Variants in ATP1A2 observed in about 807,000 individuals in gnomAD.
ATP1A2 encodes the protein sodium/potassium-transporting ATPase subunit alpha-2.
ATP1A2 carries 56 observed loss-of-function variants against 113.1 expected under a neutral mutation model. The observed-to-expected ratio is 0.49, with a 90% CI of 0.40 to 0.62. The LOEUF is 0.62. Among genes scored for constraint, ATP1A2 ranks in the 20% least tolerant of loss-of-function variants. The pLI is 0.00. For missense variants in ATP1A2, 712 were observed against 1,357.8 expected (o/e 0.52, Z 7.47); for synonymous variants, 490 against 526.8 (o/e 0.93, Z 0.96).
chr1:160,121,080 T>A, intron 2 of ATP1A2, 70 bp downstream of exon 2: 2 of 1,604,134 alleles, frequency 1.2e-6, no homozygotes, highest in Admixed American at 3.3e-5. Context: ...CCCATTGCAC[T>A]CAGAGAAACT....
Position 160,142,570 on chromosome 1 carries a change from C to G in ATP1A2, c.*1248C>G, listed in dbSNP as rs980373104. On this transcript the variant is annotated 3_prime_UTR_variant, in exon 23 of 23. Coordinates refer to ENST00000361216, the MANE Select transcript of ATP1A2 (RefSeq NM_000702.4). ...CCTGTAATCCCAGCACTTTGGGAGG[C>G]CGAGGCAGGTGGATCATGAGGTCAG... The G allele has an allele frequency of 6.6e-6, 1 of 152,230 alleles. No homozygotes were observed. The highest frequency in any genetic ancestry group is 2.4e-5 in the African/African-American group (1 of 41,430). The allele number at this position is 152,230 out of a possible 1,614,324, so 9.4% of individuals were successfully genotyped here.
intron 14 of ATP1A2, among the ~76,000 whole-genome samples, 193 bp downstream of exon 14, chr1:160,134,813 G>A (rs1398544316): frequency 3.9e-5 from 6 of 152,170 alleles, no homozygotes; most frequent in African/African-American, 1.4e-4. Flanking sequence ...TGTAACCTTG[G>A]AGATGTCACA....
chr1:160,125,089 A>G, intron 6 of ATP1A2, 47 bp from the exon 7 acceptor site: 4 of 1,516,646 alleles, frequency 2.6e-6, no homozygotes, highest in Non-Finnish European at 3.7e-6. Context: ...CTGTGTGCAT[A>G]CAAGTGGCTC....
At chr1:160,126,232 G>A (rs1020446129) in intron 7 of ATP1A2, among the ~76,000 whole-genome samples, 1 of 152,066 alleles carries the variant, frequency 6.6e-6, no homozygotes, top group African/African-American at 2.4e-5. Flanking sequence ...CATATAATCT[G>A]CGCACATCCT....
chr1:160,120,818 C>A, intron 1 of ATP1A2, 88 bp from the exon 2 acceptor site: 1 of 1,364,868 alleles, frequency 7.3e-7, no homozygotes, highest in South Asian at 1.3e-5. Context: ...CACACACCCC[C>A]ACTGCCTGGG....
At chr1:160,127,511 G>A in intron 7 of ATP1A2, 41 bp from the exon 8 acceptor site, 2 of 1,613,338 alleles carry the variant, frequency 1.2e-6, no homozygotes, top group Non-Finnish European at 1.7e-6. Context: ...CAGTCCCTGG[G>A]AGCCACAAGG....
At position 160,129,372 on chromosome 1, in the gene ATP1A2, T is replaced by G; in HGVS notation, c.1433T>G (p.Ile478Ser). Residue 478 changes from isoleucine to serine, a missense_variant, in exon 11 of 23, where the codon ATT becomes AGT. Around this residue, in one of 6 missense-constraint regions of ATP1A2, gnomAD observed 263 missense variants for 380.6 expected, o/e 0.69. Transcript: ENST00000361216. The part of the protein sequence containing the change: ...MRDRNPKVAE[I>S]PFNSTNKYQL... ...GACAGAAACCCCAAGGTGGCAGAGA[T>G]TCCTTTCAACTCTACCAACAAGTAC... 6.2e-7 allele frequency: 1 copy of G among 1,613,960 alleles called. No individual in the cohort carries two copies. The highest frequency in any genetic ancestry group is 8.5e-7 in the Non-Finnish European group (1 of 1,180,034).
intron 1 of ATP1A2, among the ~76,000 whole-genome samples, chr1:160,119,256 CAAAAAAAA>C (rs386368465): frequency 1.8e-3 from 87 of 49,430 alleles, no homozygotes; most frequent in South Asian, 8.2e-3. Context: ...CATTATCCTG[CAAAAAAAA>C]AAAAAAAAAA....
At chr1:160,136,084 C>T in intron 17 of ATP1A2, 91 bp downstream of exon 17, 2 of 1,604,366 alleles carry the variant, frequency 1.2e-6, no homozygotes, top group Non-Finnish European at 1.7e-6. Flanking sequence ...GTGGCCCCAG[C>T]TGTGGGGGTT....
At chr1:160,133,864 C>T (rs1266106800) in intron 13 of ATP1A2, among the ~76,000 whole-genome samples, 2 of 152,136 alleles carry the variant, frequency 1.3e-5, no homozygotes, top group East Asian at 3.9e-4. Flanking sequence ...TGAGGCTTCT[C>T]TTCCAGGGGA....
At chr1:160,130,987 G>A (rs1355571765) in intron 13 of ATP1A2, among the ~76,000 whole-genome samples, 1 of 152,160 alleles carries the variant, frequency 6.6e-6, no homozygotes, top group Non-Finnish European at 1.5e-5. Context: ...TATGCTCCCA[G>A]TGGCTCAGCC....
chr1:160,128,266 C>T, intron 8 of ATP1A2: 2 of 443,788 alleles, frequency 4.5e-6, no homozygotes, highest in Non-Finnish European at 8.5e-6. Context: ...TTCGCCTCTC[C>T]TCTGTCCCTT....
In ATP1A2 at chr1:160,115,859, A is replaced by C; in HGVS notation, c.-3A>C. On this transcript the variant is annotated 5_prime_UTR_variant, in exon 1 of 23. Coordinates refer to ENST00000361216, the MANE Select transcript of ATP1A2 (RefSeq NM_000702.4). Reference sequence around the variant, plus strand: ...TAAGGTCCCTCAGCCACTCTGCCCCAAGATGGGCCGTGGGGTGAGTATCCC... The same window carrying C: ...TAAGGTCCCTCAGCCACTCTGCCCCCAGATGGGCCGTGGGGTGAGTATCCC... The C allele has an allele frequency of 6.2e-7, 1 of 1,600,300 alleles. No homozygotes were observed. Among genetic ancestry groups the C allele is most frequent in the Non-Finnish European group, 8.5e-7 (1 of 1,173,734 alleles).
intron 7 of ATP1A2, among the ~76,000 whole-genome samples, chr1:160,126,991 G>A (rs1651608291): frequency 6.6e-6 from 1 of 152,026 alleles, no homozygotes; most frequent in Admixed American, 6.6e-5. Flanking sequence ...AAACAGCACC[G>A]AGATAGGAAT....
At chr1:160,121,136 C>T in intron 2 of ATP1A2, 56 bp from the exon 3 acceptor site, 1 of 1,605,778 alleles carries the variant, frequency 6.2e-7, no homozygotes, top group Non-Finnish European at 8.5e-7. Context: ...CCTGCAGTAC[C>T]CTCATATGCA....
At chr1:160,125,826 T>C (rs942123390) in intron 7 of ATP1A2, among the ~76,000 whole-genome samples, 1 of 152,190 alleles carries the variant, frequency 6.6e-6, no homozygotes, top group Admixed American at 6.5e-5. Context: ...TTCTGGGTTC[T>C]AGAGATAAAC....
chr1:160,118,957 G>A (rs1374956842), intron 1 of ATP1A2, among the ~76,000 whole-genome samples: 2 of 151,944 alleles, frequency 1.3e-5, no homozygotes, highest in African/African-American at 4.8e-5. Flanking sequence ...ATACCACAAT[G>A]GCGGATACAC....
intron 4 of ATP1A2, among the ~76,000 whole-genome samples, chr1:160,123,630 T>C (rs556619932): frequency 2.6e-5 from 4 of 152,228 alleles, no homozygotes; most frequent in Non-Finnish European, 5.9e-5. Flanking sequence ...CATTAATTAA[T>C]GAAACAATCT....
chr1:160,126,337 G>A (rs183400896), intron 7 of ATP1A2, among the ~76,000 whole-genome samples: 2 of 152,052 alleles, frequency 1.3e-5, no homozygotes, highest in Admixed American at 1.3e-4. Context: ...TATTTTTATT[G>A]TTGTATTGTT....
Sources: gnomAD v4.1 joint callset for allele counts (sites outside exome capture counted in the v4.1 genomes callset) on GRCh38, gnomAD v4.1.1 for gene constraint, gnomAD v4.1.1 regional missense constraint, MANE v1.5 for transcripts, NCBI Gene and HGNC (gene_info 2026-07-23, HGNC 2026-07-21) for gene names.